Variants in RANBP2 observed in about 807,000 individuals in gnomAD.
RANBP2 encodes the protein RAN binding protein 2.
Under a neutral mutation model 303.6 loss-of-function variants are expected in RANBP2, and 57 were observed. The observed-to-expected ratio is 0.19, with a 90% CI of 0.15 to 0.23. RANBP2 has a LOEUF of 0.23. Among genes scored for constraint, RANBP2 ranks in the 10% least tolerant of loss-of-function variants. The pLI, the probability that RANBP2 is intolerant of heterozygous loss-of-function variation, is 1.00. For synonymous variants in RANBP2, 1,167 were observed against 1,301.5 expected (o/e 0.90, Z 2.23); for missense variants, 3,138 against 3,780.8 (o/e 0.83, Z 4.46).
chr2:108,939,401 G>T, the RANBP2 span, among the ~76,000 whole-genome samples: 2,270 of 152,310 alleles, frequency 0.015, 30 homozygotes, highest in South Asian at 0.029. Context: ...TGGCAAGGCT[G>T]GTCTTGAACT....
chr2:109,078,877 G>C, the RANBP2 span, among the ~76,000 whole-genome samples: 1 of 151,642 alleles, frequency 6.6e-6, no homozygotes. Flanking sequence ...CGTAGTCCCA[G>C]CTACTTGGGA....
chr2:109,169,702 C>A, the RANBP2 span, among the ~76,000 whole-genome samples: 27 of 151,840 alleles, frequency 1.8e-4, 1 homozygote, highest in East Asian at 2.9e-3. Context: ...ATATCTCTCT[C>A]TCTATATATA....
intron 1 of RANBP2, among the ~76,000 whole-genome samples, chr2:108,725,517 T>C (rs1478640264): frequency 2.0e-5 from 3 of 152,330 alleles, no homozygotes; most frequent in Non-Finnish European, 4.4e-5. Flanking sequence ...ATCCCAGCAC[T>C]TTGGGAGGTG....
the RANBP2 span, among the ~76,000 whole-genome samples, chr2:109,228,512 G>T: frequency 6.6e-6 from 1 of 152,212 alleles, no homozygotes; most frequent in African/African-American, 2.4e-5. Flanking sequence ...TGGGTATTCA[G>T]TTCAGTTCTG....
At chr2:109,459,773 A>G in the RANBP2 span, among the ~76,000 whole-genome samples, 1 of 152,230 alleles carries the variant, frequency 6.6e-6, no homozygotes, top group Non-Finnish European at 1.5e-5. Flanking sequence ...CCCTGGAACC[A>G]AGACCTCTAG....
At chr2:108,771,556 A>G (rs745947020) in intron 20 of RANBP2, 145 bp from the exon 21 acceptor site, 7 of 1,363,458 alleles carry the variant, frequency 5.1e-6, no homozygotes, top group Non-Finnish European at 6.8e-6. Flanking sequence ...TGATTATCAT[A>G]CATCTCTGCA....
chr2:108,849,000 A>G, the RANBP2 span, among the ~76,000 whole-genome samples: 2 of 152,198 alleles, frequency 1.3e-5, no homozygotes, highest in African/African-American at 2.4e-5. Context: ...AAAGGAAAAC[A>G]TGAGCCTGGT....
At chr2:108,868,000 A>C in the RANBP2 span, among the ~76,000 whole-genome samples, 1 of 152,230 alleles carries the variant, frequency 6.6e-6, no homozygotes, top group Non-Finnish European at 1.5e-5. Flanking sequence ...AGGAACTTGG[A>C]TTCTGAGCAT....
intron 6 of RANBP2, among the ~76,000 whole-genome samples, chr2:108,737,965 C>T (rs993919422): frequency 9.9e-5 from 15 of 151,894 alleles, no homozygotes; most frequent in Admixed American, 2.6e-4. Flanking sequence ...CTGCCCTCCT[C>T]GGCCTCCCAA....
chr2:109,527,658 C>T, the RANBP2 span, among the ~76,000 whole-genome samples: 3 of 152,090 alleles, frequency 2.0e-5, no homozygotes, highest in East Asian at 3.9e-4. Flanking sequence ...GTGTTAATGT[C>T]GGGGGAGTGG....
At chr2:108,862,771 G>T in the RANBP2 span, among the ~76,000 whole-genome samples, 1 of 151,860 alleles carries the variant, frequency 6.6e-6, no homozygotes, top group African/African-American at 2.4e-5. Context: ...TTCCACAAAC[G>T]GTTTTCTTGA....
the RANBP2 span, among the ~76,000 whole-genome samples, chr2:108,859,553 T>TC: frequency 6.6e-6 from 1 of 152,174 alleles, no homozygotes; most frequent in East Asian, 1.9e-4. Context: ...AAGTCTTTGT[T>TC]CCATCTTGAG....
chr2:109,188,052 C>T, the RANBP2 span, among the ~76,000 whole-genome samples: 1 of 152,216 alleles, frequency 6.6e-6, no homozygotes. Flanking sequence ...GCTTGCAGCC[C>T]ACCCCGTGAG....
At chr2:109,680,214 A>G in the RANBP2 span, among the ~76,000 whole-genome samples, 2 of 149,278 alleles carry the variant, frequency 1.3e-5, no homozygotes, top group Non-Finnish European at 3.0e-5. Context: ...TTAGCCGGGC[A>G]TGGTGGCGGG....
At chr2:109,083,501 A>G in the RANBP2 span, among the ~76,000 whole-genome samples, 2 of 152,074 alleles carry the variant, frequency 1.3e-5, no homozygotes, top group Non-Finnish European at 2.9e-5. Flanking sequence ...AATCATATCC[A>G]TTGTATGGAT....
the RANBP2 span, among the ~76,000 whole-genome samples, chr2:109,604,634 G>A: frequency 2.6e-5 from 4 of 151,148 alleles, no homozygotes; most frequent in African/African-American, 4.9e-5. Flanking sequence ...GGCTGAGGCA[G>A]GAGAATGGCA....
the RANBP2 span, among the ~76,000 whole-genome samples, chr2:109,059,496 AT>A: frequency 1.3e-5 from 2 of 151,802 alleles, no homozygotes; most frequent in Non-Finnish European, 2.9e-5. Context: ...AATGGTGTGA[AT>A]CCCGGGAGGC....
the RANBP2 span, among the ~76,000 whole-genome samples, chr2:109,214,675 T>G: frequency 6.6e-6 from 1 of 152,132 alleles, no homozygotes; most frequent in African/African-American, 2.4e-5. Flanking sequence ...ATCTGTGGGC[T>G]CTCTCTGTCC....
At chr2:109,032,707 T>A in the RANBP2 span, among the ~76,000 whole-genome samples, 1 of 152,306 alleles carries the variant, frequency 6.6e-6, no homozygotes, top group East Asian at 1.9e-4. Flanking sequence ...GTGGGTTAAA[T>A]GAAACTCCTG....
Sources: gnomAD v4.1 joint callset for allele counts (sites outside exome capture counted in the v4.1 genomes callset) on GRCh38, gnomAD v4.1.1 for gene constraint, MANE v1.5 for transcripts, NCBI Gene and HGNC (gene_info 2026-07-23, HGNC 2026-07-21) for gene names.